Variants in ELOVL4 observed in about 807,000 individuals in gnomAD.
ELOVL4 encodes very long chain fatty acid elongase 4.
ELOVL4 carries 18 observed loss-of-function variants against 42.1 expected under a neutral mutation model. That is an observed-to-expected ratio of 0.43 (90% CI 0.30 to 0.63). ELOVL4 has a LOEUF of 0.63. Among genes scored for constraint, ELOVL4 ranks in the 30% least tolerant of loss-of-function variants. ELOVL4 has a pLI of 0.15. For synonymous variants in ELOVL4, 117 were observed against 127.0 expected (o/e 0.92, Z 0.53); for missense variants, 299 against 376.2 (o/e 0.79, Z 1.70).
chr6:79,919,635 AT>A, intron 4 of ELOVL4, 88 bp from the exon 5 acceptor site: 1 of 1,132,428 alleles, frequency 8.8e-7, no homozygotes, highest in Non-Finnish European at 1.3e-6. Flanking sequence ...AATACACATT[AT>A]TTTTTAATAT....
intron 1 of ELOVL4, among the ~76,000 whole-genome samples, chr6:79,945,244 T>C (rs894730096): frequency 3.9e-5 from 6 of 152,208 alleles, no homozygotes; most frequent in African/African-American, 4.8e-5. Flanking sequence ...AGTCAAAGCA[T>C]AGGCAAATAC....
Position 79,916,463 on chromosome 6 carries a change from A to C in ELOVL4, c.*145T>G. 3 of 858,534 alleles carry C rather than the reference A, an allele frequency of 3.5e-6. No homozygotes were observed. Among genetic ancestry groups the C allele is most frequent in the Non-Finnish European group, 5.6e-6 (3 of 532,362 alleles). The allele number at this position is 858,534 out of a possible 1,614,324, so 53.2% of individuals were successfully genotyped here. A position where few individuals can be genotyped will look rare whatever the true frequency, so the allele number is the denominator to read the frequency against. On this transcript the variant is annotated 3_prime_UTR_variant, in exon 6 of 6. Transcript: ENST00000369816. ...CATCTGGGTATGGTATTAACACTTTACTCAGTCTAAGAGTTACTAGGACAT... is the reference window on the plus strand; with the variant it reads ...CATCTGGGTATGGTATTAACACTTTCCTCAGTCTAAGAGTTACTAGGACAT...
At chr6:79,935,324 GTAAGC>G (rs1774524909) in intron 1 of ELOVL4, among the ~76,000 whole-genome samples, 1 of 151,856 alleles carries the variant, frequency 6.6e-6, no homozygotes, top group Admixed American at 6.6e-5. Flanking sequence ...TCTTCCCCAA[GTAAGC>G]TAAGCTAATA....
At chr6:79,946,869 C>T (rs1476223713) in intron 1 of ELOVL4, among the ~76,000 whole-genome samples, 2 of 152,166 alleles carry the variant, frequency 1.3e-5, no homozygotes, top group African/African-American at 2.4e-5. Context: ...CAGGGTGGGG[C>T]GGCTCCTGCG....
rs1486187331 is a variant in ELOVL4 at position 79,916,654 on chromosome 6, A to G, written c.899T>C (p.Ile300Thr). 1 of 1,613,990 alleles carries G rather than the reference A, an allele frequency of 6.2e-7. No individual in the cohort carries two copies. Among genetic ancestry groups the G allele is most frequent in the South Asian group, 1.1e-5 (1 of 91,074 alleles). ...GVSKSEKQLM[I>T]ENGKKQKNGK... is the part of the protein sequence containing the mutation. ...ATTTTTCTGCTTTTTTCCATTTTCT[A>G]TCATGAGTTGTTTTTCTGATTTGCT... The change falls in exon 6 of 6, where the codon ATA becomes ACA. Residue 300 changes from isoleucine (I) to threonine (T), a missense_variant. Ile to Thr is a moderately conservative substitution (Grantham distance 89). Transcript: ENST00000369816.
At chr6:79,936,165 C>T (rs903708637) in intron 1 of ELOVL4, among the ~76,000 whole-genome samples, 3 of 152,084 alleles carry the variant, frequency 2.0e-5, no homozygotes, top group Non-Finnish European at 4.4e-5. Flanking sequence ...GTTTAATCTA[C>T]CATAAAAAAA....
At chr6:79,941,583 C>G (rs576454229) in intron 1 of ELOVL4, among the ~76,000 whole-genome samples, 4 of 152,056 alleles carry the variant, frequency 2.6e-5, no homozygotes, top group African/African-American at 9.7e-5. Context: ...ACTCTCTGGC[C>G]GGGCACAGTG....
rs577363180 is a variant in ELOVL4, at chr6:79,933,721, C to T, written c.101-7340G>A. On this transcript the variant is annotated intron_variant, in intron 1 of 5. Coordinates refer to ENST00000369816, the MANE Select transcript of ELOVL4 (RefSeq NM_022726.4). Reference sequence around the variant, plus strand: ...AGGTCCTACTGAATCAAAATCTCTGCGGGTGGGACTGGACACTATGATCTG... The same window carrying T: ...AGGTCCTACTGAATCAAAATCTCTGTGGGTGGGACTGGACACTATGATCTG... Among the ~76,000 whole-genome samples the T allele has an allele frequency of 5.9e-5, 9 of 152,238 alleles. No homozygotes were observed. In the East Asian group the frequency reaches 7.7e-4, roughly 13 times the overall value.
intron 1 of ELOVL4, among the ~76,000 whole-genome samples, chr6:79,928,393 C>G (rs1774380360): frequency 6.6e-6 from 1 of 151,980 alleles, no homozygotes; most frequent in Non-Finnish European, 1.5e-5. Flanking sequence ...CACAGAATTC[C>G]TACTGACTTC....
chr6:79,945,779 T>C lies in ELOVL4; in HGVS notation c.100+1401A>G, dbSNP rs77157903. On this transcript the variant is annotated intron_variant, in intron 1 of 5. Transcript: ENST00000369816. ...TTTTGCAGGTACAGTGTAACATCAGTGTAATAGCGCATAGAAACAAAAAAA... is the reference window on the plus strand; with the variant it reads ...TTTTGCAGGTACAGTGTAACATCAGCGTAATAGCGCATAGAAACAAAAAAA... Among the ~76,000 whole-genome samples the C allele has an allele frequency of 4.8e-3, 719 of 150,920 alleles. 9 individuals carry two copies. Among genetic ancestry groups the C allele is most frequent in the African/African-American group, 0.017 (683 of 40,980 alleles).
chr6:79,939,283 T>C (rs1175029822), intron 1 of ELOVL4, among the ~76,000 whole-genome samples: 4 of 152,222 alleles, frequency 2.6e-5, no homozygotes, highest in Non-Finnish European at 4.4e-5. Context: ...AATTCTTGCA[T>C]TGCGGTAAAA....
At chr6:79,938,610 A>T (rs545291857) in intron 1 of ELOVL4, among the ~76,000 whole-genome samples, 1 of 152,346 alleles carries the variant, frequency 6.6e-6, no homozygotes, top group South Asian at 2.1e-4. Flanking sequence ...CTCAGGCTAA[A>T]TATCGCATTT....
chr6:79,924,795 A>G (rs1774316546), intron 3 of ELOVL4, among the ~76,000 whole-genome samples, 157 bp downstream of exon 3: 1 of 152,174 alleles, frequency 6.6e-6, no homozygotes, highest in Non-Finnish European at 1.5e-5. Context: ...TGATCATACC[A>G]CTGCACTTCA....
At chr6:79,924,710 C>T (rs1233140911) in intron 3 of ELOVL4, among the ~76,000 whole-genome samples, 1 of 151,982 alleles carries the variant, frequency 6.6e-6, no homozygotes, top group East Asian at 1.9e-4. Flanking sequence ...TGGGGTACAC[C>T]CGTAGTCCCA....
In ELOVL4 at chr6:79,928,727, GTTTTTTTT is replaced by G. The variant is rs34673896; in HGVS notation, c.101-2354_101-2347del. On this transcript the variant is annotated intron_variant, in intron 1 of 5. Coordinates refer to ENST00000369816, the MANE Select transcript of ELOVL4 (RefSeq NM_022726.4). ...TACCAGTAAGTAGACTGGTGACTGG[GTTTTTTTT>G]TTTTTTTTTTTTTTTTTTTTAAGAA... 9.3e-5 allele frequency among the ~76,000 whole-genome samples: 7 copies of G among 75,608 alleles called. No homozygotes were observed. In the South Asian group the frequency reaches 2.7e-3, roughly 29 times the overall value. 49.6% of individuals were successfully genotyped at this position (75,608 alleles called of 152,430 possible).
intron 1 of ELOVL4, among the ~76,000 whole-genome samples, chr6:79,933,858 T>TAG (rs1361202992): frequency 7.2e-5 from 11 of 152,300 alleles, no homozygotes; most frequent in Middle Eastern, 3.4e-3. Context: ...GATAGGTAGA[T>TAG]ACGAAGGTTT....
At chr6:79,921,459 CAAAAAAAAAAAAAAAAAA>C (rs1168483827) in intron 4 of ELOVL4, among the ~76,000 whole-genome samples, 148 bp downstream of exon 4, 2 of 42,368 alleles carry the variant, frequency 4.7e-5, no homozygotes, top group South Asian at 1.4e-3. Context: ...GACTCCATCT[CAAAAAAAAAAAAAAAAAA>C]AAAAAAAAAA....
At chr6:79,919,721 T>C (rs1489746164) in intron 4 of ELOVL4, among the ~76,000 whole-genome samples, 174 bp from the exon 5 acceptor site, 1 of 152,208 alleles carries the variant, frequency 6.6e-6, no homozygotes, top group East Asian at 1.9e-4. Flanking sequence ...CAGATTAAGC[T>C]AGATATTTTT....
chr6:79,946,107 A>C (rs1055109695), intron 1 of ELOVL4, among the ~76,000 whole-genome samples: 1 of 152,224 alleles, frequency 6.6e-6, no homozygotes, highest in Non-Finnish European at 1.5e-5. Flanking sequence ...TTCATTTCGA[A>C]GTAGGGAAGG....
Sources: allele counts gnomAD v4.1 joint callset (sites outside exome capture counted in the v4.1 genomes callset), GRCh38; gene constraint gnomAD v4.1.1; transcripts MANE v1.5; gene names NCBI Gene and HGNC (gene_info 2026-07-23, HGNC 2026-07-21).